The following SAMD12 variants were observed in gnomAD, a reference collection of about 807,000 sequenced individuals.
SAMD12 encodes sterile alpha motif domain-containing protein 12.
In SAMD12, 9 loss-of-function variants were observed where a neutral mutation model predicts 15.0. That is an observed-to-expected ratio of 0.60 (90% CI 0.36 to 1.05). The LOEUF is 1.05. Ranked by LOEUF, SAMD12 falls within the 50% of genes least tolerant of loss-of-function variation. The pLI is 0.01. For missense variants in SAMD12, 230 were observed against 234.2 expected, an observed-to-expected ratio of 0.98 and a Z score of 0.12; for synonymous variants, 86 against 90.1, an observed-to-expected ratio of 0.96 and a Z score of 0.25.
chr8:118,400,149 C>G (rs568695206), intron 3 of SAMD12: 1 of 152,314 alleles, frequency 6.6e-6, no homozygotes, highest in East Asian at 1.9e-4. Flanking sequence ...TTCACACACA[C>G]AAACATTTAT....
At chr8:118,178,489 C>T in the SAMD12 span, among the ~76,000 whole-genome samples, 1 of 151,926 alleles carries the variant, frequency 6.6e-6, no homozygotes, top group East Asian at 1.9e-4. Flanking sequence ...TTTTTTTAGA[C>T]AGTCTCCCTC....
chr8:118,324,912 C>T (rs1184502513), intron 4 of SAMD12, among the ~76,000 whole-genome samples: 3 of 152,172 alleles, frequency 2.0e-5, no homozygotes, highest in African/African-American at 7.2e-5. Flanking sequence ...AGAACAGTAC[C>T]TGGCACATGG....
chr8:118,577,870 C>T (rs1468944799), intron 2 of SAMD12, among the ~76,000 whole-genome samples: 1 of 151,980 alleles, frequency 6.6e-6, no homozygotes, highest in Non-Finnish European at 1.5e-5. Flanking sequence ...TAATACTAAC[C>T]CAACAAACAG....
intron 1 of SAMD12, among the ~76,000 whole-genome samples, chr8:118,600,881 G>A (rs781358446): frequency 6.6e-6 from 1 of 151,992 alleles, no homozygotes; most frequent in Non-Finnish European, 1.5e-5. Context: ...TCTGAACAAT[G>A]TGTTATGTTA....
chr8:118,587,244 C>A (rs1827475217), intron 1 of SAMD12, among the ~76,000 whole-genome samples: 1 of 152,196 alleles, frequency 6.6e-6, no homozygotes, highest in South Asian at 2.1e-4. Flanking sequence ...TTAACACTTC[C>A]CTAATATAAT....
At chr8:118,277,528 A>T (rs1228140448) in intron 4 of SAMD12, among the ~76,000 whole-genome samples, 2 of 151,922 alleles carry the variant, frequency 1.3e-5, no homozygotes, top group Non-Finnish European at 2.9e-5. Flanking sequence ...AGGTTTATGC[A>T]GGCCTGGGAC....
chr8:118,450,217 G>C (rs532275442), intron 2 of SAMD12, among the ~76,000 whole-genome samples: 1 of 152,210 alleles, frequency 6.6e-6, no homozygotes, highest in Non-Finnish European at 1.5e-5. Flanking sequence ...GGGCATCAGG[G>C]TGTCTACAAT....
chr8:118,614,401 C>T (rs1024105420), intron 1 of SAMD12, among the ~76,000 whole-genome samples: 3 of 152,188 alleles, frequency 2.0e-5, no homozygotes, highest in African/African-American at 4.8e-5. Context: ...CTGTGCGGAG[C>T]TGGGGTTCAC....
At chr8:118,315,023 A>G in intron 4 of SAMD12, among the ~76,000 whole-genome samples, 1 of 152,200 alleles carries the variant, frequency 6.6e-6, no homozygotes, top group East Asian at 1.9e-4. Context: ...CTTCACGTAC[A>G]TATTTACCTA....
At position 118,513,681 on chromosome 8, in the gene SAMD12, G is replaced by A. The variant is rs151282526; in HGVS notation, c.192+67034C>T. ...TAGACAGTTGGGGTTGGGAGAATAT[G>A]GGGAGGGGTGGATGTAGTGGTGACA... On this transcript the variant is annotated intron_variant, in intron 2 of 3. Coordinates refer to ENST00000314727, the MANE Select transcript of SAMD12 (RefSeq NM_207506.3). Among the ~76,000 whole-genome samples the A allele has an allele frequency of 2.2e-3, 334 of 152,348 alleles. 1 individual carries two copies. The highest frequency in any genetic ancestry group is 6.7e-3 in the African/African-American group (278 of 41,578).
chr8:118,298,420 A>G (rs982190554), intron 4 of SAMD12, among the ~76,000 whole-genome samples: 5 of 152,218 alleles, frequency 3.3e-5, no homozygotes, highest in Non-Finnish European at 5.9e-5. Context: ...GTAATATTTA[A>G]GAATTTTTTT....
chr8:118,436,779 G>C (rs1014894905), intron 3 of SAMD12, among the ~76,000 whole-genome samples: 1 of 152,132 alleles, frequency 6.6e-6, no homozygotes, highest in Non-Finnish European at 1.5e-5. Flanking sequence ...AACATTATGT[G>C]TATTGTTTTG....
chr8:118,470,256 TTAA>T (rs1226921349), intron 2 of SAMD12, among the ~76,000 whole-genome samples: 2 of 147,158 alleles, frequency 1.4e-5, no homozygotes, highest in African/African-American at 5.4e-5. Context: ...TTTTTTTTTT[TTAA>T]AAAAAAAGGA....
At chr8:118,301,540 T>C (rs1448214178) in intron 4 of SAMD12, among the ~76,000 whole-genome samples, 2 of 152,228 alleles carry the variant, frequency 1.3e-5, no homozygotes, top group Non-Finnish European at 2.9e-5. Context: ...GCTGGAGGAC[T>C]AGATTCATTA....
intron 3 of SAMD12, among the ~76,000 whole-genome samples, chr8:118,419,199 A>C (rs1308208433): frequency 6.6e-6 from 1 of 151,960 alleles, no homozygotes; most frequent in East Asian, 1.9e-4. Context: ...TTGAACTGGA[A>C]GCAGAAAAAA....
intron 4 of SAMD12, among the ~76,000 whole-genome samples, chr8:118,249,908 G>T (rs1313836985): frequency 1.3e-5 from 2 of 152,084 alleles, no homozygotes; most frequent in African/African-American, 2.4e-5. Context: ...GAGTGCTGTT[G>T]GCCTCATCAC....
chr8:118,516,951 T>C (rs1825261193), intron 2 of SAMD12, among the ~76,000 whole-genome samples: 2 of 152,212 alleles, frequency 1.3e-5, no homozygotes, highest in African/African-American at 4.8e-5. Flanking sequence ...TAGTTTTCTA[T>C]TTCAGACAAA....
rs1467698365 is a variant in SAMD12, at chr8:118,352,635, G to A, written c.433+26925C>T. Reference sequence around the variant, plus strand: ...GGGGAAAAGTGGTTGGTGGGGATCTGAATTAACTAACCGTGTTTGAGAAAA... The same window carrying A: ...GGGGAAAAGTGGTTGGTGGGGATCTAAATTAACTAACCGTGTTTGAGAAAA... On this transcript the variant is annotated intron_variant, in intron 4 of 4. Coordinates refer to the SAMD12 transcript ENST00000409003. 2.6e-5 allele frequency among the ~76,000 whole-genome samples: 4 copies of A among 152,156 alleles called. No individual in the cohort carries two copies. The East Asian group carries it at 7.7e-4, about 29-fold the overall frequency.
intron 4 of SAMD12, among the ~76,000 whole-genome samples, chr8:118,218,005 T>G (rs1812002242): frequency 6.6e-6 from 1 of 152,172 alleles, no homozygotes; most frequent in Non-Finnish European, 1.5e-5. Flanking sequence ...CTTGGTCACA[T>G]GTGGTCCTAC....
Sources: gnomAD v4.1 joint callset for allele counts (sites outside exome capture counted in the v4.1 genomes callset) on GRCh38, gnomAD v4.1.1 for gene constraint, MANE v1.5 for transcripts, NCBI Gene and HGNC (gene_info 2026-07-23, HGNC 2026-07-21) for gene names.